TOX2: variants seen among roughly 807,000 people sequenced by gnomAD.
The protein encoded by TOX2 is TOX high mobility group box family member 2.
Under a neutral mutation model 47.4 loss-of-function variants are expected in TOX2, and 15 were observed. The observed-to-expected ratio is 0.32, with a 90% CI of 0.21 to 0.49. The LOEUF is 0.49. Ranked by LOEUF, TOX2 falls within the 20% of genes least tolerant of loss-of-function variation. The pLI is 0.99. For missense variants in TOX2, 622 were observed against 673.1 expected, an observed-to-expected ratio of 0.92 and a Z score of 0.84; for synonymous variants, 290 against 296.6, an observed-to-expected ratio of 0.98 and a Z score of 0.23.
At chr20:43,964,693 A>T (rs995969189) in intron 1 of TOX2, among the ~76,000 whole-genome samples, 1 of 152,168 alleles carries the variant, frequency 6.6e-6, no homozygotes, top group Non-Finnish European at 1.5e-5. Context: ...GCTTTGGACA[A>T]GTTCCCAACC....
intron 2 of TOX2, among the ~76,000 whole-genome samples, chr20:43,999,606 A>G (rs1305380912): frequency 6.6e-6 from 1 of 152,254 alleles, no homozygotes; most frequent in East Asian, 1.9e-4. Flanking sequence ...AAAGATATCC[A>G]TGTCTGTGGA....
chr20:43,945,956 G>A (rs575271004), intron 1 of TOX2: 9 of 1,613,806 alleles, frequency 5.6e-6, no homozygotes, highest in Admixed American at 3.3e-5. Flanking sequence ...GCGTTCTCTC[G>A]CTGCCTGGGC....
intron 3 of TOX2, among the ~76,000 whole-genome samples, chr20:44,025,335 A>G (rs2071043292): frequency 6.7e-6 from 1 of 150,374 alleles, no homozygotes; most frequent in Non-Finnish European, 1.5e-5. Flanking sequence ...TAGCCTTTGC[A>G]CCCCCATGTC....
Position 44,064,818 on chromosome 20 carries a change from G to C in TOX2, c.921G>C (p.Leu307=), listed in dbSNP as rs768004034. 1.9e-6 allele frequency: 3 copies of C among 1,614,190 alleles called. No individual in the cohort carries two copies. The East Asian group carries it at 6.7e-5, about 36-fold the overall frequency. The change falls in exon 6 of 9, where the codon CTG becomes CTC. Residue 307 remains leucine (L), a synonymous_variant. Transcript: ENST00000341197. Reference sequence around the variant, plus strand: ...CAGAAGCAGCAAAGAAGGAATATCTGAAGGCCCTGGCAGCCTACCGGGCTA... The same window carrying C: ...CAGAAGCAGCAAAGAAGGAATATCTCAAGGCCCTGGCAGCCTACCGGGCTA... ...RKTEAAKKEY[L]KALAAYRASL...
At chr20:43,950,729 T>C (rs2069547541) in intron 1 of TOX2, among the ~76,000 whole-genome samples, 1 of 152,068 alleles carries the variant, frequency 6.6e-6, no homozygotes, top group African/African-American at 2.4e-5. Flanking sequence ...ACATTCCCAA[T>C]ACCCCTCACC....
Position 44,051,522 on chromosome 20 carries a change from G to T in TOX2, c.628G>T (p.Glu210Ter). 1 of 1,602,772 alleles carries T rather than the reference G, an allele frequency of 6.2e-7. No individual in the cohort carries two copies. Among genetic ancestry groups the T allele is most frequent in the Non-Finnish European group, 8.5e-7 (1 of 1,172,378 alleles). ...CTCTCCCTCCAGCTCCACTCAGGAA[G>T]AGGAGTCGGAAGTGCATTTCAAGGT... ...TPSPSSSTQE[E>*]ESEVHFKISG... The change falls in exon 4 of 9, where the codon GAG becomes TAG. Residue 210 changes from glutamate to a stop codon, truncating the protein, a stop_gained. Transcript: ENST00000341197. LOFTEE classifies it high-confidence loss of function.
chr20:43,973,260 C>T, intron 1 of TOX2, 107 bp from the exon 2 acceptor site: 1 of 1,097,358 alleles, frequency 9.1e-7, no homozygotes, highest in Non-Finnish European at 1.4e-6. Flanking sequence ...TTCTGCAGCT[C>T]CCACAGTCCC....
intron 2 of TOX2, among the ~76,000 whole-genome samples, chr20:43,977,870 A>G (rs1363861885): frequency 6.6e-6 from 1 of 152,134 alleles, no homozygotes; most frequent in Non-Finnish European, 1.5e-5. Flanking sequence ...TTTCCTGATG[A>G]TGTGACCCAG....
intron 1 of TOX2, among the ~76,000 whole-genome samples, chr20:43,927,638 TCCTC>T (rs2069190501): frequency 4.1e-5 from 5 of 122,590 alleles, no homozygotes; most frequent in East Asian, 3.1e-4. Flanking sequence ...CTTCCTTCCT[TCCTC>T]CCCTTCCCTT....
chr20:43,989,605 C>T (rs908662020), intron 2 of TOX2, among the ~76,000 whole-genome samples: 1 of 152,072 alleles, frequency 6.6e-6, no homozygotes, highest in Non-Finnish European at 1.5e-5. Context: ...CATGGAGAAA[C>T]TCCATCTCTA....
At chr20:43,971,364 C>T (rs953279301) in intron 1 of TOX2, among the ~76,000 whole-genome samples, 2 of 152,096 alleles carry the variant, frequency 1.3e-5, no homozygotes, top group African/African-American at 4.8e-5. Context: ...GAAGGCGGGG[C>T]GAGGGCGCGT....
At chr20:44,031,660 C>G (rs2071154486) in intron 3 of TOX2, among the ~76,000 whole-genome samples, 1 of 151,988 alleles carries the variant, frequency 6.6e-6, no homozygotes, top group African/African-American at 2.4e-5. Flanking sequence ...AAAGCACTTG[C>G]TGGAGAAATG....
chr20:44,037,346 T>C (rs2071257652), intron 3 of TOX2, among the ~76,000 whole-genome samples: 1 of 152,246 alleles, frequency 6.6e-6, no homozygotes, highest in African/African-American at 2.4e-5. Flanking sequence ...AACTTTCGTC[T>C]TGAACACACT....
chr20:44,062,399 TAAA>T (rs1468632304), intron 5 of TOX2, among the ~76,000 whole-genome samples: 2 of 144,494 alleles, frequency 1.4e-5, no homozygotes, highest in South Asian at 2.1e-4. Context: ...AATAAATAAA[TAAA>T]TAAATGAATA....
intron 1 of TOX2, among the ~76,000 whole-genome samples, chr20:43,955,887 C>T (rs541533871): frequency 3.3e-5 from 5 of 152,330 alleles, no homozygotes; most frequent in Admixed American, 6.5e-5. Context: ...CACCCAGAAG[C>T]CAGAGGCCAG....
intron 1 of TOX2, chr20:43,955,368 C>T (rs939956651): frequency 8.5e-6 from 8 of 940,508 alleles, no homozygotes; most frequent in Non-Finnish European, 1.0e-5. Flanking sequence ...TTCCCCTTGG[C>T]TGGCTTCTGG....
rs1410234554 is a variant in TOX2, at chr20:43,936,044, T to C, written c.99+21054T>C. On this transcript the variant is annotated intron_variant, in intron 1 of 8. Coordinates refer to ENST00000341197, the MANE Select transcript of TOX2 (RefSeq NM_001098797.2). ...ATATTCTTGCATGCACAGGGGTCTT[T>C]AGCTTCCTTTTGGAGACCCTTTCAT... is the stretch of plus-strand genomic sequence containing the variant. Among the ~76,000 whole-genome samples the C allele has an allele frequency of 2.0e-5, 3 of 152,060 alleles. No individual in the cohort carries two copies. In the East Asian group the frequency reaches 5.8e-4, roughly 29 times the overall value.
chr20:44,010,967 AGC>A (rs1389939493), intron 3 of TOX2, among the ~76,000 whole-genome samples: 17 of 152,248 alleles, frequency 1.1e-4, no homozygotes, highest in African/African-American at 3.9e-4. Flanking sequence ...GGGAGAATCC[AGC>A]CTCGCTTCTC....
intron 1 of TOX2, among the ~76,000 whole-genome samples, chr20:43,939,624 C>T (rs932597403): frequency 3.3e-5 from 5 of 152,104 alleles, no homozygotes; most frequent in Admixed American, 1.3e-4. Context: ...GGAAGATAAG[C>T]GAGGGTTCAT....
Sources: allele counts gnomAD v4.1 joint callset (sites outside exome capture counted in the v4.1 genomes callset), GRCh38; gene constraint gnomAD v4.1.1; transcripts MANE v1.5; gene names NCBI Gene and HGNC (gene_info 2026-07-23, HGNC 2026-07-21).